MEGF6: variants seen among roughly 807,000 people sequenced by gnomAD.
MEGF6 encodes the protein multiple epidermal growth factor-like domains protein 6.
In MEGF6, 184 loss-of-function variants were observed where a neutral mutation model predicts 207.1. That is an observed-to-expected ratio of 0.89 (90% confidence interval 0.79 to 1.00). The LOEUF is 1.00. MEGF6 is among the 50% of genes least tolerant of loss of function. The probability of loss-of-function intolerance (pLI) is 0.00; values close to 1 mark genes in which losing one functional copy is unlikely to be tolerated. For synonymous variants in MEGF6, 1,038 were observed against 910.0 expected, an observed-to-expected ratio of 1.14 and a Z score of -2.53; for missense variants, 2,282 against 2,202.9, an observed-to-expected ratio of 1.04 and a Z score of -0.72.
Position 3,496,646 on chromosome 1 carries a change from G to A in MEGF6, c.3742+9C>T. 1 of 1,574,454 alleles carries A rather than the reference G, an allele frequency of 6.4e-7. No individual in the cohort carries two copies. The highest frequency in any genetic ancestry group is 8.6e-7 in the Non-Finnish European group (1 of 1,160,614). On this transcript the variant is annotated intron_variant, in intron 29 of 36. Coordinates refer to ENST00000356575, the MANE Select transcript of MEGF6 (RefSeq NM_001409.4). ...GCGCCACTCAGCACTGCTGCCACCA[G>A]CCACTCACTGAGGTTGCAGTCCGTC...
chr1:3,503,360 G>A (rs1305911082), intron 17 of MEGF6, among the ~76,000 whole-genome samples: 1 of 150,972 alleles, frequency 6.6e-6, no homozygotes, highest in Non-Finnish European at 1.5e-5. Context: ...CAACAAGAGG[G>A]GATGTTATCT....
At chr1:3,592,937 T>A (rs1340559599) in intron 3 of MEGF6, among the ~76,000 whole-genome samples, 1 of 151,354 alleles carries the variant, frequency 6.6e-6, no homozygotes. Flanking sequence ...CACCCTCCCC[T>A]GCTCCCTGCC....
chr1:3,529,837 G>A (rs563671615), intron 4 of MEGF6, among the ~76,000 whole-genome samples: 11 of 152,304 alleles, frequency 7.2e-5, no homozygotes, highest in Admixed American at 1.3e-4. Context: ...CGCCCCTTCC[G>A]AAGCCCACCT....
intron 1 of MEGF6, 111 bp from the exon 2 acceptor site, chr1:3,602,711 C>T: frequency 7.0e-7 from 1 of 1,425,924 alleles, no homozygotes. Context: ...AGGTCCAGAC[C>T]CGTGGCCAGG....
At position 3,524,119 on chromosome 1, in the gene MEGF6, C is replaced by T. The variant is rs1477521588; in HGVS notation, c.604+5G>A. 2 of 1,610,794 alleles carry T rather than the reference C, an allele frequency of 1.2e-6. No individual in the cohort carries two copies. The highest frequency in any genetic ancestry group is 4.5e-5 in the East Asian group (2 of 44,838). On this transcript the variant is annotated splice_donor_5th_base_variant and intron_variant, in intron 5 of 36. Coordinates refer to ENST00000356575, the MANE Select transcript of MEGF6 (RefSeq NM_001409.4). Reference sequence around the variant, plus strand: ...GCCCAGGCAGGGTCTCCAGGCGACACTCACCCAGGCAGGTCCTGCTGTCAG... The same window carrying T: ...GCCCAGGCAGGGTCTCCAGGCGACATTCACCCAGGCAGGTCCTGCTGTCAG...
chr1:3,521,475 C>G (rs1197318874), intron 5 of MEGF6, among the ~76,000 whole-genome samples: 1 of 152,182 alleles, frequency 6.6e-6, no homozygotes, highest in Admixed American at 6.5e-5. Flanking sequence ...TGGCCAGGAG[C>G]TGAGATGCCC....
chr1:3,496,700 C>A lies in MEGF6; in HGVS notation c.3697G>T (p.Ala1233Ser). Residue 1233 changes from alanine (A) to serine (S), a missense_variant, in exon 29 of 37, where the codon GCC becomes TCC. Coordinates refer to ENST00000356575, the MANE Select transcript of MEGF6 (RefSeq NM_001409.4). ...AGGAACCCAGTGGGGCAGCGGCAGG[C>A]CCCCGTGGCCGCATCACAGGAGCCC... ...NGGSCDAATG[A>S]CRCPTGFLGT... 4 of 1,561,112 alleles carry A rather than the reference C, an allele frequency of 2.6e-6. No homozygotes were observed. The highest frequency in any genetic ancestry group is 3.5e-6 in the Non-Finnish European group (4 of 1,153,276).
chr1:3,541,270 C>T (rs547232730), intron 4 of MEGF6, among the ~76,000 whole-genome samples: 33 of 152,354 alleles, frequency 2.2e-4, no homozygotes, highest in East Asian at 9.7e-4. Flanking sequence ...GAGTGTGGGT[C>T]GCACAGGGCT....
chr1:3,512,071 T>G lies in MEGF6; in HGVS notation c.911A>C (p.Gln304Pro). The change falls in exon 8 of 37, where the codon CAG becomes CCG. Residue 304 changes from glutamine (Q) to proline (P), a missense_variant. Transcript: ENST00000356575. ...AQCAHGCLNT[Q>P]GSFKCVCHAG... ...GTGACACACGCACTTGAAGGACCCC[T>G]GGGTGTTGAGGCAGCCATGGGCACA... The G allele has an allele frequency of 6.2e-7, 1 of 1,612,596 alleles. No homozygotes were observed. Among genetic ancestry groups the G allele is most frequent in the Non-Finnish European group, 8.5e-7 (1 of 1,179,774 alleles).
At chr1:3,538,711 T>C (rs1179963916) in intron 4 of MEGF6, among the ~76,000 whole-genome samples, 5 of 124,140 alleles carry the variant, frequency 4.0e-5, no homozygotes, top group African/African-American at 1.0e-4. Flanking sequence ...TGTGTGTGTG[T>C]GTGTGTGTGT....
chr1:3,531,327 G>A lies in MEGF6; in HGVS notation c.482-7081C>T, dbSNP rs1235050364. On this transcript the variant is annotated intron_variant, in intron 4 of 36. Coordinates refer to ENST00000356575, the MANE Select transcript of MEGF6 (RefSeq NM_001409.4). Reference sequence around the variant, plus strand: ...CCGGCGGCCGGGCGACGGGGCAGGCGGCTCGGGCTGGTTCTGGGTTCCGGG... The same window carrying A: ...CCGGCGGCCGGGCGACGGGGCAGGCAGCTCGGGCTGGTTCTGGGTTCCGGG... 7.3e-6 allele frequency: 9 copies of A among 1,228,290 alleles called. No homozygotes were observed. In the East Asian group the frequency reaches 1.7e-4, roughly 24 times the overall value. 76.1% of individuals were successfully genotyped at this position (1,228,290 alleles called of 1,614,324 possible).
intron 23 of MEGF6, 77 bp from the exon 24 acceptor site, chr1:3,499,343 G>A: frequency 1.3e-6 from 2 of 1,509,808 alleles, no homozygotes; most frequent in Non-Finnish European, 8.9e-7. Flanking sequence ...AGCCAGCTGG[G>A]CAGATCTGCC....
chr1:3,491,753 T>G (rs1392125918), intron 35 of MEGF6, among the ~76,000 whole-genome samples: 2 of 18,236 alleles, frequency 1.1e-4, no homozygotes, highest in Non-Finnish European at 1.6e-4. Context: ...CCAACACCGC[T>G]GGGGGGTACA....
chr1:3,591,607 C>T (rs896642883), intron 3 of MEGF6, among the ~76,000 whole-genome samples: 6 of 152,056 alleles, frequency 3.9e-5, no homozygotes, highest in African/African-American at 7.2e-5. Context: ...CTGATGGGGG[C>T]GCGGGCGAGG....
At position 3,490,951 on chromosome 1, in the gene MEGF6, G is replaced by A; in HGVS notation, c.4525C>T (p.Leu1509Phe). The change falls in exon 36 of 37, where the codon CTC becomes TTC. Residue 1509 changes from leucine (L) to phenylalanine (F), a missense_variant. Physicochemically the swap from Leu to Phe is conservative, Grantham distance 22 (BLOSUM62 0). Coordinates refer to ENST00000356575, the MANE Select transcript of MEGF6 (RefSeq NM_001409.4). ...MGPTCREGGP[L>F]RLPENPSLAQ... is the part of the protein sequence containing the mutation. ...AAGGACGGGTTCTCGGGGAGCCGGA[G>A]GGGCCCACCTGGAGGGGAGAGAGAG... 1 of 1,601,574 alleles carries A rather than the reference G, an allele frequency of 6.2e-7. No homozygotes were observed. The highest frequency in any genetic ancestry group is 1.3e-5 in the African/African-American group (1 of 74,174).
At chr1:3,499,324 G>GC (rs1456337521) in intron 23 of MEGF6, 58 bp from the exon 24 acceptor site, 1 of 1,541,722 alleles carries the variant, frequency 6.5e-7, no homozygotes, top group Non-Finnish European at 8.8e-7. Context: ...GGGGTTGGCA[G>GC]CAGATCACAG....
At chr1:3,550,727 C>CA (rs1467254765) in intron 4 of MEGF6, among the ~76,000 whole-genome samples, 1 of 152,250 alleles carries the variant, frequency 6.6e-6, no homozygotes, top group Non-Finnish European at 1.5e-5. Context: ...AGCAGCCACC[C>CA]AACCGGGGCA....
the MEGF6 span, among the ~76,000 whole-genome samples, chr1:3,620,486 G>A: frequency 3.3e-5 from 5 of 152,312 alleles, no homozygotes; most frequent in Non-Finnish European, 2.9e-5. Context: ...GGTGAACTTC[G>A]GGAGACTCTG....
intron 2 of MEGF6, among the ~76,000 whole-genome samples, chr1:3,598,886 G>A (rs1326283179): frequency 2.6e-5 from 4 of 151,808 alleles, no homozygotes; most frequent in Middle Eastern, 3.4e-3. Flanking sequence ...TGCAGAGCGC[G>A]GGAGCCCCTT....
Sources: allele counts gnomAD v4.1 joint callset (sites outside exome capture counted in the v4.1 genomes callset), GRCh38; gene constraint gnomAD v4.1.1; transcripts MANE v1.5; gene names NCBI Gene and HGNC (gene_info 2026-07-23, HGNC 2026-07-21).